The following FBXL17 variants were observed in gnomAD, a reference collection of about 807,000 sequenced individuals.
FBXL17 encodes the protein F-box and leucine rich repeat protein 17, also known as F-box/LRR-repeat protein 17.
In FBXL17, 22 loss-of-function variants were observed where a neutral mutation model predicts 66.2. The ratio of observed to expected loss-of-function variants is 0.33; its 90% CI spans 0.24 to 0.47. FBXL17 has a LOEUF of 0.47. FBXL17 is among the 20% of genes least tolerant of loss of function. FBXL17 has a pLI of 1.00. For synonymous variants in FBXL17, 474 were observed against 400.5 expected, an observed-to-expected ratio of 1.18 and a Z score of -2.19; for missense variants, 878 against 948.2, an observed-to-expected ratio of 0.93 and a Z score of 0.97.
At chr5:107,996,265 C>T (rs1753467178) in intron 7 of FBXL17, among the ~76,000 whole-genome samples, 1 of 152,118 alleles carries the variant, frequency 6.6e-6, no homozygotes, top group Admixed American at 6.6e-5. Flanking sequence ...GATAACATTC[C>T]TGCTCTTAAA....
chr5:108,036,818 T>C (rs1375991732), intron 6 of FBXL17, among the ~76,000 whole-genome samples: 6 of 152,222 alleles, frequency 3.9e-5, no homozygotes, highest in South Asian at 2.1e-4. Flanking sequence ...GCAAGTCATA[T>C]TGTTATATAC....
At chr5:108,235,093 G>A (rs1755538958) in intron 4 of FBXL17, among the ~76,000 whole-genome samples, 1 of 152,138 alleles carries the variant, frequency 6.6e-6, no homozygotes, top group Non-Finnish European at 1.5e-5. Context: ...GGGATGAAAA[G>A]GAATTTGGTG....
At chr5:108,223,393 C>T (rs373108051) in intron 5 of FBXL17, among the ~76,000 whole-genome samples, 4 of 152,008 alleles carry the variant, frequency 2.6e-5, no homozygotes, top group East Asian at 3.9e-4. Context: ...TATAATAAGT[C>T]GGAAAAGGCA....
At chr5:107,993,359 A>T (rs1047125531) in intron 7 of FBXL17, among the ~76,000 whole-genome samples, 50 of 152,318 alleles carry the variant, frequency 3.3e-4, no homozygotes, top group Middle Eastern at 3.4e-3. Flanking sequence ...TATTTCTGAT[A>T]TATAATTTGT....
intron 7 of FBXL17, among the ~76,000 whole-genome samples, chr5:107,886,058 A>G (rs1748959398): frequency 6.6e-6 from 1 of 152,222 alleles, no homozygotes; most frequent in East Asian, 1.9e-4. Flanking sequence ...GGGGATAGGA[A>G]TTAAAAATGA....
At chr5:108,056,336 A>G (rs1009951673) in intron 6 of FBXL17, among the ~76,000 whole-genome samples, 1 of 152,220 alleles carries the variant, frequency 6.6e-6, no homozygotes, top group Non-Finnish European at 1.5e-5. Flanking sequence ...ACACACCTGC[A>G]GTGAAAGTAA....
At chr5:107,980,664 A>ATTTTTTTTTTTTTTT (rs57472813) in intron 7 of FBXL17, among the ~76,000 whole-genome samples, 3 of 62,064 alleles carry the variant, frequency 4.8e-5, no homozygotes, top group Admixed American at 1.7e-4. Flanking sequence ...ATATATATAT[A>ATTTTTTTTTTTTTTT]TTTTTTTTTT....
chr5:108,287,102 A>G (rs73214567), intron 4 of FBXL17, among the ~76,000 whole-genome samples: 1,948 of 152,212 alleles, frequency 0.013, 35 homozygotes, highest in African/African-American at 0.043. Context: ...CCTTCCTTAC[A>G]CCATCTATAA....
intron 6 of FBXL17, among the ~76,000 whole-genome samples, chr5:108,183,703 T>C (rs286768): frequency 0.31 from 47,604 of 151,960 alleles, 8,166 homozygotes; most frequent in East Asian, 0.41. Flanking sequence ...AGGCAGTTTT[T>C]ATCCCTCGCC....
intron 3 of FBXL17, among the ~76,000 whole-genome samples, chr5:108,350,776 A>G (rs746656264): frequency 1.3e-5 from 2 of 152,354 alleles, no homozygotes; most frequent in East Asian, 3.9e-4. Context: ...ATGTTTTCAG[A>G]CATACAAGTT....
At chr5:108,291,074 T>A (rs552503519) in intron 4 of FBXL17, among the ~76,000 whole-genome samples, 5 of 152,302 alleles carry the variant, frequency 3.3e-5, no homozygotes, top group African/African-American at 9.6e-5. Context: ...ATCCAAAACC[T>A]ACACTCATGT....
At chr5:107,965,773 T>A (rs565921652) in intron 7 of FBXL17, among the ~76,000 whole-genome samples, 2 of 152,160 alleles carry the variant, frequency 1.3e-5, no homozygotes, top group Admixed American at 1.3e-4. Flanking sequence ...AATTTAGTGA[T>A]CTTGAAATAG....
intron 7 of FBXL17, among the ~76,000 whole-genome samples, chr5:107,995,906 CA>C (rs1231305650): frequency 6.6e-6 from 1 of 152,004 alleles, no homozygotes; most frequent in Non-Finnish European, 1.5e-5. Flanking sequence ...TGAAGCAGCC[CA>C]AAAAATCAGA....
At chr5:107,902,264 C>T (rs1749591092) in intron 7 of FBXL17, among the ~76,000 whole-genome samples, 1 of 152,120 alleles carries the variant, frequency 6.6e-6, no homozygotes, top group African/African-American at 2.4e-5. Context: ...CAGATCATCA[C>T]ACTTGTCACA....
chr5:108,061,195 G>C lies in FBXL17; in HGVS notation c.1746-40194C>G, dbSNP rs140278157. On this transcript the variant is annotated intron_variant, in intron 6 of 8. Coordinates refer to ENST00000542267, the MANE Select transcript of FBXL17 (RefSeq NM_001163315.3). ...CCAGCTACTCGGGAGGCTAAGGCAG[G>C]AGAATCACTTGAACCTGGGAGGCTG... Among the ~76,000 whole-genome samples, 402 of 152,114 alleles carry C rather than the reference G, an allele frequency of 2.6e-3. 1 individual carries two copies. The highest frequency in any genetic ancestry group is 8.6e-3 in the African/African-American group (357 of 41,490).
intron 7 of FBXL17, among the ~76,000 whole-genome samples, chr5:107,918,312 C>A (rs1209482828): frequency 6.6e-6 from 1 of 152,162 alleles, no homozygotes; most frequent in Admixed American, 6.5e-5. Context: ...CTTGGACAGT[C>A]GTAACCCAGT....
At chr5:107,980,063 C>T (rs139096848) in intron 7 of FBXL17, among the ~76,000 whole-genome samples, 10 of 152,142 alleles carry the variant, frequency 6.6e-5, no homozygotes, top group Admixed American at 2.6e-4. Context: ...TGACCACATG[C>T]GTGAACCTAT....
intron 4 of FBXL17, among the ~76,000 whole-genome samples, chr5:108,346,851 T>C (rs1747313552): frequency 6.6e-6 from 1 of 152,096 alleles, no homozygotes; most frequent in Non-Finnish European, 1.5e-5. Flanking sequence ...GATACCAATA[T>C]TCAAAAATTC....
intron 4 of FBXL17, among the ~76,000 whole-genome samples, chr5:108,318,139 A>G (rs986255617): frequency 6.6e-6 from 1 of 151,672 alleles, no homozygotes; most frequent in Non-Finnish European, 1.5e-5. Context: ...GGAGAAAAAA[A>G]CCCATGTGCA....
Sources: gnomAD v4.1 joint callset for allele counts (sites outside exome capture counted in the v4.1 genomes callset) on GRCh38, gnomAD v4.1.1 for gene constraint, MANE v1.5 for transcripts, NCBI Gene and HGNC (gene_info 2026-07-23, HGNC 2026-07-21) for gene names.